KLF3: variants seen among roughly 807,000 people sequenced by gnomAD.
KLF3 encodes the protein KLF transcription factor 3, also known as Krueppel-like factor 3.
Under a neutral mutation model 32.7 loss-of-function variants are expected in KLF3, and 6 were observed. The observed-to-expected ratio is 0.18, with a 90% CI of 0.10 to 0.36. KLF3 has a LOEUF of 0.36. KLF3 is among the 10% of genes least tolerant of loss of function. The pLI is 1.00. For missense variants in KLF3, 338 were observed against 449.7 expected (o/e 0.75, Z 2.25); for synonymous variants, 145 against 172.8 (o/e 0.84, Z 1.26).
chr4:38,692,347 G>A (rs1033102892), intron 4 of KLF3, among the ~76,000 whole-genome samples: 3 of 152,082 alleles, frequency 2.0e-5, no homozygotes, highest in African/African-American at 4.8e-5. Flanking sequence ...TCAGAGATGC[G>A]GCAGGTTAAC....
At chr4:38,664,571 G>C (rs1286044036) in intron 1 of KLF3, 110 bp downstream of exon 1, 1 of 151,706 alleles carries the variant, frequency 6.6e-6, no homozygotes, top group Non-Finnish European at 1.5e-5. Flanking sequence ...GGAATGGGTC[G>C]GGGGTGCAGC....
intron 1 of KLF3, among the ~76,000 whole-genome samples, chr4:38,669,275 A>G (rs968980203): frequency 6.6e-6 from 1 of 152,172 alleles, no homozygotes; most frequent in Non-Finnish European, 1.5e-5. Flanking sequence ...CTAGTTTGCT[A>G]GTATGTGATA....
At chr4:38,673,662 C>G (rs1279915743) in intron 1 of KLF3, among the ~76,000 whole-genome samples, 1 of 152,152 alleles carries the variant, frequency 6.6e-6, no homozygotes, top group South Asian at 2.1e-4. Context: ...TAGAGGGTAG[C>G]ATAGGTGTGG....
intron 1 of KLF3, among the ~76,000 whole-genome samples, chr4:38,669,501 C>T (rs192119523): frequency 6.6e-6 from 1 of 152,250 alleles, no homozygotes; most frequent in Non-Finnish European, 1.5e-5. Context: ...ACCCCCAACT[C>T]AGCTCTCTTT....
At chr4:38,666,686 A>G (rs1722054183) in intron 1 of KLF3, among the ~76,000 whole-genome samples, 2 of 152,388 alleles carry the variant, frequency 1.3e-5, no homozygotes, top group Non-Finnish European at 2.9e-5. Context: ...TGTTGAACAG[A>G]TGAGCAGCTC....
chr4:38,689,111 G>A, intron 3 of KLF3, 40 bp downstream of exon 3: 3 of 1,600,444 alleles, frequency 1.9e-6, no homozygotes, highest in Non-Finnish European at 2.6e-6. Context: ...CACTTGCTTA[G>A]CGTACTGGCG....
At chr4:38,673,533 AACAC>A (rs758221756) in intron 1 of KLF3, among the ~76,000 whole-genome samples, 2 of 152,218 alleles carry the variant, frequency 1.3e-5, no homozygotes, top group South Asian at 2.1e-4. Context: ...TTAAAACTAA[AACAC>A]AAAATTGTCA....
rs1179321179 is a variant in KLF3, at chr4:38,688,653, G to A, written c.126G>A (p.Leu42=). ...NKYGVIYSTP[L]PEKFFQTPEG... is the part of the protein sequence containing the mutation. ...ATGGGGTCATCTACTCCACACCATTGCCTGAGAAGTTCTTTCAGACCCCAG... is the reference window on the plus strand; with the variant it reads ...ATGGGGTCATCTACTCCACACCATTACCTGAGAAGTTCTTTCAGACCCCAG... The change falls in exon 3 of 6, where the codon TTG becomes TTA. Residue 42 remains leucine, a synonymous_variant. Transcript: ENST00000261438. This position sits in a 1 kb window ranked among gnomAD's most constrained non-coding sequence, Gnocchi z 4.9. 5 of 1,614,082 alleles carry A rather than the reference G, an allele frequency of 3.1e-6. No individual in the cohort carries two copies. The highest frequency in any genetic ancestry group is 4.2e-6 in the Non-Finnish European group (5 of 1,180,010).
At chr4:38,693,843 A>G (rs1722960570) in intron 4 of KLF3, among the ~76,000 whole-genome samples, 1 of 152,200 alleles carries the variant, frequency 6.6e-6, no homozygotes, top group Non-Finnish European at 1.5e-5. Flanking sequence ...CTCTTCCTCC[A>G]TCTCCCTTTT....
rs1251884907 is a variant in KLF3, at chr4:38,699,956, A to G, written c.*2693A>G. 1 of 152,246 alleles carries G rather than the reference A, an allele frequency of 6.6e-6. No individual in the cohort carries two copies. Among genetic ancestry groups the G allele is most frequent in the Non-Finnish European group, 1.5e-5 (1 of 68,036 alleles). 9.4% of individuals were successfully genotyped at this position (152,246 alleles called of 1,614,324 possible). A position where few individuals can be genotyped will look rare whatever the true frequency, so the allele number is the denominator to read the frequency against. On this transcript the variant is annotated 3_prime_UTR_variant, in exon 6 of 6. Coordinates refer to ENST00000261438, the MANE Select transcript of KLF3 (RefSeq NM_016531.6). ...AATGATGTGTGTCATGTTACTATCA[A>G]TGGTGATTTCAATCGCAATATTTTA...
At position 38,697,296 on chromosome 4, in the gene KLF3, C is replaced by T; in HGVS notation, c.*33C>T. On this transcript the variant is annotated 3_prime_UTR_variant, in exon 6 of 6. Coordinates refer to ENST00000261438, the MANE Select transcript of KLF3 (RefSeq NM_016531.6). ...TGTGTCCTGCCTCAGCGTGACTCCC[C>T]ACTCACCTGGCTCTCTCTCTGTCCT... 1 of 1,553,856 alleles carries T rather than the reference C, an allele frequency of 6.4e-7. No individual in the cohort carries two copies. Among genetic ancestry groups the T allele is most frequent in the Non-Finnish European group, 8.7e-7 (1 of 1,143,878 alleles).
intron 1 of KLF3, among the ~76,000 whole-genome samples, chr4:38,669,494 C>T (rs1722135819): frequency 6.6e-6 from 1 of 152,190 alleles, no homozygotes; most frequent in East Asian, 1.9e-4. Context: ...TGCTTTTACC[C>T]CCAACTCAGC....
At chr4:38,667,475 C>G (rs556549378) in intron 1 of KLF3, among the ~76,000 whole-genome samples, 28 of 152,284 alleles carry the variant, frequency 1.8e-4, no homozygotes, top group African/African-American at 6.5e-4. Context: ...AATGAGAAGT[C>G]AGTTAACCTT....
intron 1 of KLF3, among the ~76,000 whole-genome samples, chr4:38,678,128 C>G (rs1722407002): frequency 6.6e-6 from 1 of 152,096 alleles, no homozygotes; most frequent in African/African-American, 2.4e-5. Context: ...ATAGATGAGT[C>G]TGGAAGAGTG....
At chr4:38,694,982 A>G in intron 5 of KLF3, 76 bp downstream of exon 5, 1 of 1,452,028 alleles carries the variant, frequency 6.9e-7, no homozygotes, top group South Asian at 1.4e-5. Context: ...TGTTACGATC[A>G]AAGTTTTCAG....
At position 38,694,758 on chromosome 4, in the gene KLF3, G is replaced by T. The variant is rs138417483; in HGVS notation, c.708G>T (p.Ser236=). Residue 236 remains serine (S), a synonymous_variant, in exon 5 of 6, where the codon TCG becomes TCT. Transcript: ENST00000261438. ...PQALLQENHP[S]VIVQPGKRPL... The stretch of plus-strand genomic sequence containing the variant: ...TTGGCTTTCACAGGAATCACCCTTC[G>T]GTCATCGTGCAGCCTGGGAAGAGAC... The T allele has an allele frequency of 6.4e-7, 1 of 1,566,984 alleles. No homozygotes were observed. Among genetic ancestry groups the T allele is most frequent in the Non-Finnish European group, 8.6e-7 (1 of 1,164,462 alleles).
rs1464602907 is a variant in KLF3 at position 38,699,530 on chromosome 4, A to G, written c.*2267A>G. The G allele has an allele frequency of 1.3e-5, 2 of 152,264 alleles. No individual in the cohort carries two copies. The highest frequency in any genetic ancestry group is 1.3e-4 in the Admixed American group (2 of 15,286). 9.4% of individuals were successfully genotyped at this position (152,264 alleles called of 1,614,324 possible). A position where few individuals can be genotyped will look rare whatever the true frequency, so the allele number is the denominator to read the frequency against. On this transcript the variant is annotated 3_prime_UTR_variant, in exon 6 of 6. Transcript: ENST00000261438. ...GTGGGGGAAAGGGCGAGAAAGGATCAGATTGATCTGGGATCAGCTTTGAGC... is the reference window on the plus strand; with the variant it reads ...GTGGGGGAAAGGGCGAGAAAGGATCGGATTGATCTGGGATCAGCTTTGAGC...
intron 2 of KLF3, among the ~76,000 whole-genome samples, chr4:38,685,133 G>A (rs1029659202): frequency 6.6e-6 from 1 of 152,198 alleles, no homozygotes; most frequent in Non-Finnish European, 1.5e-5. Context: ...ACAGAGCGGG[G>A]AAGACTGTTA....
chr4:38,696,989 T>C (rs143718987), intron 5 of KLF3, 93 bp from the exon 6 acceptor site: 4 of 1,045,686 alleles, frequency 3.8e-6, no homozygotes, highest in Non-Finnish European at 5.5e-6. Flanking sequence ...TGTATGAACA[T>C]ATCTTGGAAA....
Sources: allele counts gnomAD v4.1 joint callset (sites outside exome capture counted in the v4.1 genomes callset), GRCh38; gene constraint gnomAD v4.1.1; non-coding constraint Gnocchi (gnomAD v3.1); transcripts MANE v1.5; gene names NCBI Gene and HGNC (gene_info 2026-07-23, HGNC 2026-07-21).